Variants in DTNA observed in about 807,000 individuals in gnomAD.
DTNA encodes dystrobrevin alpha.
DTNA carries 43 observed loss-of-function variants against 100.7 expected under a neutral mutation model. The observed-to-expected ratio is 0.43, with a 90% CI of 0.33 to 0.55. The LOEUF is 0.55. DTNA is among the 20% of genes least tolerant of loss of function. The pLI, the probability that DTNA is intolerant of heterozygous loss-of-function variation, is 0.04. For synonymous variants in DTNA, 349 were observed against 347.9 expected (o/e 1.00, Z -0.04); for missense variants, 798 against 953.9 (o/e 0.84, Z 2.15).
intron 1 of DTNA, among the ~76,000 whole-genome samples, chr18:34,689,536 C>T (rs1466355842): frequency 2.0e-5 from 3 of 152,154 alleles, no homozygotes; most frequent in Admixed American, 2.0e-4. Context: ...CAGAAGGGCA[C>T]CTGCCAGATG....
chr18:34,524,066 T>C (rs16965363), intron 1 of DTNA, among the ~76,000 whole-genome samples: 2,335 of 152,272 alleles, frequency 0.015, 66 homozygotes, highest in African/African-American at 0.054. Context: ...ATGAAGATGG[T>C]TGTTCCTGAT....
intron 1 of DTNA, chr18:34,504,206 C>T (rs181586842): frequency 3.9e-4 from 59 of 151,976 alleles, no homozygotes; most frequent in African/African-American, 1.4e-3. Flanking sequence ...CTAAGTATTA[C>T]ATCATATACA....
intron 1 of DTNA, among the ~76,000 whole-genome samples, chr18:34,677,920 C>A (rs1024322629): frequency 2.6e-5 from 4 of 152,132 alleles, no homozygotes; most frequent in Non-Finnish European, 4.4e-5. Context: ...AAAGAACTGC[C>A]CATGACTGGG....
intron 1 of DTNA, among the ~76,000 whole-genome samples, chr18:34,652,327 T>C (rs2060555491): frequency 6.6e-6 from 1 of 152,144 alleles, no homozygotes. Context: ...AACTCATCAA[T>C]GAGTTCTCTT....
At chr18:34,735,858 G>A (rs77976815) in intron 1 of DTNA, among the ~76,000 whole-genome samples, 187 of 152,224 alleles carry the variant, frequency 1.2e-3, no homozygotes, top group African/African-American at 4.2e-3. Context: ...CTGTTAAGGT[G>A]TACTCTTCAC....
chr18:34,877,710 T>A lies in DTNA; in HGVS notation c.1904-9T>A. ...TTTGGTTTTTTAAATTATTTCTTCT[T>A]CCCTGAAGGTTCAAGAAGAAACTTA... On this transcript the variant is annotated splice_polypyrimidine_tract_variant and intron_variant, in intron 18 of 22. Transcript: ENST00000444659. The A allele has an allele frequency of 6.2e-7, 1 of 1,612,376 alleles. No individual in the cohort carries two copies. The highest frequency in any genetic ancestry group is 1.1e-5 in the South Asian group (1 of 91,024).
chr18:34,766,125 G>T (rs2093455574), intron 3 of DTNA, 84 bp downstream of exon 3: 1 of 1,425,092 alleles, frequency 7.0e-7, no homozygotes, highest in African/African-American at 1.4e-5. Context: ...ACTAGATTCT[G>T]TTACAAATAT....
chr18:34,596,623 C>G lies in DTNA; in HGVS notation c.-2+103109C>G, dbSNP rs1392502916. Among the ~76,000 whole-genome samples, 3 of 152,234 alleles carry G rather than the reference C, an allele frequency of 2.0e-5. No individual in the cohort carries two copies. In the East Asian group the frequency reaches 5.8e-4, roughly 29 times the overall value. Reference sequence around the variant, plus strand: ...GTCCAGATTCTCTCATTACTGTTACCAGAAATGGAAATTCATCCTACTGCT... The same window carrying G: ...GTCCAGATTCTCTCATTACTGTTACGAGAAATGGAAATTCATCCTACTGCT... On this transcript the variant is annotated intron_variant, in intron 1 of 19. Transcript: ENST00000283365.
rs3078088 is a variant in DTNA, at chr18:34,605,633, G to GCACACA, written c.-2+112154_-2+112159dup. On this transcript the variant is annotated intron_variant, in intron 1 of 19. Coordinates refer to the DTNA transcript ENST00000283365. Reference sequence around the variant, plus strand: ...GCAAACCATCAAAATTGCAACTCAGGCACACACACACACACACACACACAC... The same window carrying GCACACA: ...GCAAACCATCAAAATTGCAACTCAGGCACACACACACACACACACACACACACACAC... 7.8e-3 allele frequency among the ~76,000 whole-genome samples: 1,104 copies of GCACACA among 142,322 alleles called. 10 individuals carry two copies. Among genetic ancestry groups the GCACACA allele is most frequent in the African/African-American group, 0.021 (811 of 38,384 alleles). The allele number at this position is 142,322 out of a possible 152,430, so 93.4% of individuals were successfully genotyped here.
chr18:34,576,536 C>T (rs535543767), intron 1 of DTNA, among the ~76,000 whole-genome samples: 1 of 152,176 alleles, frequency 6.6e-6, no homozygotes, highest in East Asian at 1.9e-4. Context: ...TGTGATCACT[C>T]CAACCTCCTC....
intron 1 of DTNA, among the ~76,000 whole-genome samples, chr18:34,655,723 G>T (rs574910357): frequency 5.6e-4 from 85 of 152,150 alleles, no homozygotes; most frequent in Non-Finnish European, 7.5e-4. Context: ...ATTCCTGGGA[G>T]CTGGATTGCC....
intron 1 of DTNA, among the ~76,000 whole-genome samples, chr18:34,533,686 G>A (rs1056885474): frequency 6.6e-6 from 1 of 151,886 alleles, no homozygotes; most frequent in Non-Finnish European, 1.5e-5. Context: ...TCATTATGCC[G>A]AAGAAGAAAA....
At chr18:34,581,765 AG>A (rs1464554044) in intron 1 of DTNA, among the ~76,000 whole-genome samples, 1 of 151,822 alleles carries the variant, frequency 6.6e-6, no homozygotes, top group Non-Finnish European at 1.5e-5. Flanking sequence ...CTGGGACTAC[AG>A]GTGCACACCA....
In DTNA at chr18:34,875,248, G is replaced by T. The variant is rs767501382; in HGVS notation, c.1753G>T (p.Ala585Ser). ...GLMKLLKTQG[A>S]GSPRSSPSHT... is the part of the protein sequence containing the mutation. ...TGCATTGTCTCTCCAGACTCAGGGG[G>T]CAGGCTCTCCCCGCTCCTCCCCCAG... The change falls in exon 18 of 23, where the codon GCA becomes TCA. Residue 585 changes from alanine (A) to serine (S), a missense_variant. Ala to Ser is a moderately conservative substitution (Grantham distance 99, BLOSUM62 1). Coordinates refer to ENST00000444659, the MANE Select transcript of DTNA (RefSeq NM_001386795.1). 6.2e-7 allele frequency: 1 copy of T among 1,613,884 alleles called. No individual in the cohort carries two copies. The highest frequency in any genetic ancestry group is 1.3e-5 in the African/African-American group (1 of 75,006).
At chr18:34,766,086 T>C in intron 3 of DTNA, 45 bp downstream of exon 3, 1 of 1,589,706 alleles carries the variant, frequency 6.3e-7, no homozygotes, top group Non-Finnish European at 8.6e-7. Context: ...ATGAATCCTA[T>C]AGTTTACATT....
In DTNA at chr18:34,692,332, A is replaced by G. The variant is rs549599489; in HGVS notation, c.-1-63644A>G. ...CCAAAGCAGACGTTCCATGAACATT[A>G]TCTTATTTAATCTTCATAATAACCC... On this transcript the variant is annotated intron_variant, in intron 1 of 19. Transcript: ENST00000283365. 2.0e-5 allele frequency among the ~76,000 whole-genome samples: 3 copies of G among 152,318 alleles called. No homozygotes were observed. In the South Asian group the frequency reaches 6.2e-4, roughly 32 times the overall value.
chr18:34,644,851 A>G (rs188110296), intron 1 of DTNA, among the ~76,000 whole-genome samples: 3 of 152,262 alleles, frequency 2.0e-5, no homozygotes, highest in African/African-American at 7.2e-5. Context: ...TGAAAAGACG[A>G]CATAATATTC....
intron 1 of DTNA, among the ~76,000 whole-genome samples, chr18:34,549,502 TA>T (rs1337657868): frequency 9.9e-5 from 15 of 152,100 alleles, no homozygotes; most frequent in Admixed American, 5.2e-4. Flanking sequence ...GACTGCATCC[TA>T]ACTCTCTCAC....
At chr18:34,864,900 T>C (rs973646389) in intron 17 of DTNA, among the ~76,000 whole-genome samples, 3 of 152,232 alleles carry the variant, frequency 2.0e-5, no homozygotes, top group African/African-American at 7.2e-5. Context: ...TAATCTATTT[T>C]TCTCATTGGG....
Sources: allele counts gnomAD v4.1 joint callset (sites outside exome capture counted in the v4.1 genomes callset), GRCh38; gene constraint gnomAD v4.1.1; transcripts MANE v1.5; gene names NCBI Gene and HGNC (gene_info 2026-07-23, HGNC 2026-07-21).